RPTOR: variants seen among roughly 807,000 people sequenced by gnomAD.
The protein encoded by RPTOR is regulatory associated protein of MTOR complex 1.
A neutral mutation model predicts 169.9 loss-of-function variants in RPTOR; 21 were observed. That is an observed-to-expected ratio of 0.12 (90% CI 0.09 to 0.18). RPTOR has a LOEUF of 0.18. Ranked by LOEUF, RPTOR falls within the 10% of genes least tolerant of loss-of-function variation. The pLI is 1.00. For missense variants in RPTOR, 1,133 were observed against 1,855.9 expected (o/e 0.61, Z 7.16); for synonymous variants, 732 against 753.2 (o/e 0.97, Z 0.46).
At chr17:80,697,393 C>T (rs185194378) in intron 3 of RPTOR, among the ~76,000 whole-genome samples, 1 of 152,318 alleles carries the variant, frequency 6.6e-6, no homozygotes, top group East Asian at 1.9e-4. Flanking sequence ...CAGGACCTGC[C>T]GTCTGGTCTT....
rs1393305540 is a variant in RPTOR at position 80,861,616 on chromosome 17, G to T, written c.1509+3716G>T. On this transcript the variant is annotated intron_variant, in intron 13 of 33. Transcript: ENST00000306801. The surrounding 1 kb of genome is among the most constrained non-coding windows in gnomAD (Gnocchi z 4.5). Reference sequence around the variant, plus strand: ...CACGGATGAAGGACCATGTGTAGGGGCTCTGGGATGCACAAAACGGTGACC... The same window carrying T: ...CACGGATGAAGGACCATGTGTAGGGTCTCTGGGATGCACAAAACGGTGACC... Among the ~76,000 whole-genome samples, 2 of 152,128 alleles carry T rather than the reference G, an allele frequency of 1.3e-5. No homozygotes were observed. The highest frequency in any genetic ancestry group is 4.8e-5 in the African/African-American group (2 of 41,432).
At chr17:80,606,044 C>G (rs982417143) in intron 1 of RPTOR, among the ~76,000 whole-genome samples, 1 of 152,170 alleles carries the variant, frequency 6.6e-6, no homozygotes. Context: ...TGGCGTCTCG[C>G]TCTGTCGCCC....
chr17:80,551,868 C>T (rs2084349854), intron 1 of RPTOR, among the ~76,000 whole-genome samples: 1 of 152,136 alleles, frequency 6.6e-6, no homozygotes, highest in Non-Finnish European at 1.5e-5. Context: ...AGGCAGAGGT[C>T]CCTGTGGCCT....
chr17:80,912,888 A>C (rs966370252), intron 21 of RPTOR, among the ~76,000 whole-genome samples: 14 of 152,184 alleles, frequency 9.2e-5, no homozygotes, highest in African/African-American at 3.1e-4. Flanking sequence ...CTTAAGGCAC[A>C]TGGCCATCAC....
chr17:80,641,336 C>T lies in RPTOR; in HGVS notation c.266-2392C>T, dbSNP rs78907695. On this transcript the variant is annotated intron_variant, in intron 2 of 33. Transcript: ENST00000306801. ...CCAGAGGTGTCCATTGAATTAGAAC[C>T]ATTGAATTAGAATTTCCAGAAGGTT... 4.1e-3 allele frequency among the ~76,000 whole-genome samples: 620 copies of T among 152,332 alleles called. 5 individuals carry two copies. Among genetic ancestry groups the T allele is most frequent in the African/African-American group, 0.014 (592 of 41,574 alleles).
At chr17:80,898,773 T>C (rs1023950385) in intron 20 of RPTOR, among the ~76,000 whole-genome samples, 8 of 149,488 alleles carry the variant, frequency 5.4e-5, no homozygotes, top group Non-Finnish European at 1.0e-4. Context: ...CGTCTCCGTC[T>C]AGTGAGTTTT....
chr17:80,574,160 T>TC (rs1285913291), intron 1 of RPTOR, among the ~76,000 whole-genome samples: 2 of 127,076 alleles, frequency 1.6e-5, no homozygotes, highest in East Asian at 3.9e-4. Flanking sequence ...TCTTTTTTCT[T>TC]TTTTTTTTTT....
At chr17:80,638,128 G>C (rs1342711475) in intron 2 of RPTOR, among the ~76,000 whole-genome samples, 1 of 152,262 alleles carries the variant, frequency 6.6e-6, no homozygotes, top group Non-Finnish European at 1.5e-5. Flanking sequence ...GGTCAAGCTT[G>C]AACGGCCTGG....
intron 20 of RPTOR, among the ~76,000 whole-genome samples, chr17:80,904,569 T>C (rs2068517564): frequency 6.6e-6 from 1 of 152,206 alleles, no homozygotes; most frequent in South Asian, 2.1e-4. Context: ...ACTTTTAGTC[T>C]AGACATGAAA....
intron 4 of RPTOR, among the ~76,000 whole-genome samples, chr17:80,729,118 T>C (rs954758014): frequency 5.3e-5 from 8 of 152,252 alleles, no homozygotes; most frequent in Non-Finnish European, 7.3e-5. Flanking sequence ...GTAACTTTTG[T>C]CTGCTTCTTT....
chr17:80,799,631 G>C (rs945281811), intron 7 of RPTOR, among the ~76,000 whole-genome samples: 1 of 152,212 alleles, frequency 6.6e-6, no homozygotes, highest in Non-Finnish European at 1.5e-5. Flanking sequence ...TAACGGGCCT[G>C]TGTTCTCGGG....
chr17:80,935,053 A>G (rs1330517794), intron 24 of RPTOR, among the ~76,000 whole-genome samples: 1 of 152,036 alleles, frequency 6.6e-6, no homozygotes, highest in Non-Finnish European at 1.5e-5. Context: ...TACAAAAATC[A>G]GTTGTATTTC....
intron 28 of RPTOR, among the ~76,000 whole-genome samples, chr17:80,953,791 T>C (rs969760255): frequency 4.9e-4 from 75 of 152,240 alleles, no homozygotes; most frequent in African/African-American, 1.8e-3. Flanking sequence ...AGCTGGGCTC[T>C]TCTGGGCAGA....
intron 24 of RPTOR, among the ~76,000 whole-genome samples, chr17:80,928,338 C>G (rs985858438): frequency 1.3e-5 from 2 of 152,110 alleles, no homozygotes; most frequent in Non-Finnish European, 2.9e-5. Flanking sequence ...ATTTGTGTAA[C>G]GAGCTGCATT....
At chr17:80,840,926 G>GGCAGCTCACTCTCACCACACA (rs2067637399) in intron 10 of RPTOR, among the ~76,000 whole-genome samples, 1 of 104,186 alleles carries the variant, frequency 9.6e-6, no homozygotes, top group East Asian at 2.8e-4. Context: ...CTCACCACAC[G>GGCAGCTCACTCTCACCACACA]GCAGCTCACT....
chr17:80,885,533 GT>G (rs1330921272), intron 17 of RPTOR, among the ~76,000 whole-genome samples: 1 of 152,110 alleles, frequency 6.6e-6, no homozygotes, highest in Non-Finnish European at 1.5e-5. Flanking sequence ...ACAGTTTTAT[GT>G]TTTGTTTTGT....
At chr17:80,961,606 G>A in intron 31 of RPTOR, 126 bp downstream of exon 31, 1 of 1,085,586 alleles carries the variant, frequency 9.2e-7, no homozygotes, top group East Asian at 2.6e-5. Context: ...ATTAACTCCT[G>A]CCCTGGAACT....
intron 2 of RPTOR, among the ~76,000 whole-genome samples, chr17:80,641,730 G>C (rs975892480): frequency 6.6e-6 from 1 of 152,196 alleles, no homozygotes; most frequent in African/African-American, 2.4e-5. Flanking sequence ...GATCACTGGA[G>C]CCTTAGCGAG....
intron 20 of RPTOR, among the ~76,000 whole-genome samples, chr17:80,906,276 G>A (rs1428006929): frequency 5.9e-5 from 9 of 152,142 alleles, no homozygotes; most frequent in Admixed American, 5.9e-4. Context: ...CAGTTCCTAG[G>A]AGCCGGCTCC....
Sources: allele counts gnomAD v4.1 joint callset (sites outside exome capture counted in the v4.1 genomes callset), GRCh38; gene constraint gnomAD v4.1.1; non-coding constraint Gnocchi (gnomAD v3.1); transcripts MANE v1.5; gene names NCBI Gene and HGNC (gene_info 2026-07-23, HGNC 2026-07-21).